Variants in NAALADL2 observed in about 807,000 individuals in gnomAD.
NAALADL2 encodes inactive N-acetylated-alpha-linked acidic dipeptidase-like protein 2.
Under a neutral mutation model 87.2 loss-of-function variants are expected in NAALADL2, and 76 were observed. That is an observed-to-expected ratio of 0.87 (90% CI 0.72 to 1.05). NAALADL2 has a LOEUF of 1.05. NAALADL2 is among the 50% of genes least tolerant of loss of function. The probability of loss-of-function intolerance (pLI) is 0.00; values close to 1 mark genes in which losing one functional copy is unlikely to be tolerated. For synonymous variants in NAALADL2, 354 were observed against 331.0 expected, an observed-to-expected ratio of 1.07 and a Z score of -0.75; for missense variants, 1,089 against 945.8, an observed-to-expected ratio of 1.15 and a Z score of -1.99.
At chr3:175,669,479 A>G (rs1405139589) in intron 11 of NAALADL2, among the ~76,000 whole-genome samples, 1 of 152,096 alleles carries the variant, frequency 6.6e-6, no homozygotes, top group African/African-American at 2.4e-5. Context: ...TTTGTTTTCA[A>G]ATTGTTAATC....
intron 11 of NAALADL2, among the ~76,000 whole-genome samples, chr3:175,662,230 G>T (rs1161545649): frequency 3.3e-5 from 5 of 151,614 alleles, no homozygotes; most frequent in Admixed American, 3.3e-4. Flanking sequence ...TTTATTCCTA[G>T]ATTTATTTTA....
At chr3:174,892,106 C>T (rs544573059) in intron 1 of NAALADL2, among the ~76,000 whole-genome samples, 1 of 152,086 alleles carries the variant, frequency 6.6e-6, no homozygotes, top group African/African-American at 2.4e-5. Flanking sequence ...AGAACAGCTA[C>T]AAATAATATG....
At chr3:175,568,071 T>G (rs1172129129) in intron 9 of NAALADL2, among the ~76,000 whole-genome samples, 1 of 152,036 alleles carries the variant, frequency 6.6e-6, no homozygotes, top group Non-Finnish European at 1.5e-5. Context: ...CTTACCCAAT[T>G]TAATCTTTAA....
chr3:174,645,248 T>A (rs1477042881), intron 2 of NAALADL2, among the ~76,000 whole-genome samples: 1 of 152,202 alleles, frequency 6.6e-6, no homozygotes, highest in Non-Finnish European at 1.5e-5. Context: ...CTCAGTCTCT[T>A]GGTGTCTTGT....
At chr3:175,122,172 T>C (rs1726256667) in intron 2 of NAALADL2, among the ~76,000 whole-genome samples, 1 of 151,818 alleles carries the variant, frequency 6.6e-6, no homozygotes, top group African/African-American at 2.4e-5. Flanking sequence ...CCTATGCTGA[T>C]ATAAACTTTT....
intron 2 of NAALADL2, among the ~76,000 whole-genome samples, chr3:174,687,625 G>A (rs530688583): frequency 1.6e-4 from 25 of 152,192 alleles, no homozygotes; most frequent in African/African-American, 6.0e-4. Flanking sequence ...AAATAATTAG[G>A]AAGTGATGGG....
chr3:174,723,327 C>G (rs16863651), intron 2 of NAALADL2, among the ~76,000 whole-genome samples: 13,420 of 152,176 alleles, frequency 0.088, 743 homozygotes, highest in East Asian at 0.28. Context: ...TTTCATGAGA[C>G]TATGTTGATA....
chr3:174,610,566 T>C (rs928447307), intron 2 of NAALADL2, among the ~76,000 whole-genome samples: 1 of 151,922 alleles, frequency 6.6e-6, no homozygotes, highest in African/African-American at 2.4e-5. Context: ...CGTGAAAAAA[T>C]GCTCACCATC....
intron 1 of NAALADL2, among the ~76,000 whole-genome samples, chr3:175,050,795 G>A (rs1755282868): frequency 6.6e-6 from 1 of 152,266 alleles, no homozygotes; most frequent in East Asian, 1.9e-4. Context: ...ACATCTAATT[G>A]AGAGTGTTAT....
intron 2 of NAALADL2, among the ~76,000 whole-genome samples, chr3:174,706,996 A>G (rs572362678): frequency 9.1e-4 from 138 of 152,328 alleles, no homozygotes; most frequent in Non-Finnish European, 1.7e-3. Context: ...ATATGAACAG[A>G]CACTTCTCAA....
chr3:174,594,199 A>G (rs970787118), intron 2 of NAALADL2, among the ~76,000 whole-genome samples: 1 of 152,170 alleles, frequency 6.6e-6, no homozygotes, highest in Non-Finnish European at 1.5e-5. Context: ...CTTTGGCATA[A>G]TAATATGCCA....
chr3:175,113,111 G>A lies in NAALADL2; in HGVS notation c.545+15820G>A, dbSNP rs1395859415. On this transcript the variant is annotated intron_variant, in intron 2 of 13. Coordinates refer to ENST00000454872, the MANE Select transcript of NAALADL2 (RefSeq NM_207015.3). ...TGGAAAGTTTTGGAGAAAAGGTGATGGTTAGAATTTGGTTCTGAATACCAT... is the reference window on the plus strand; with the variant it reads ...TGGAAAGTTTTGGAGAAAAGGTGATAGTTAGAATTTGGTTCTGAATACCAT... Among the ~76,000 whole-genome samples, 2 of 151,712 alleles carry A rather than the reference G, an allele frequency of 1.3e-5. 1 individual carries two copies. Among genetic ancestry groups the A allele is most frequent in the South Asian group, 4.2e-4 (2 of 4,812 alleles).
intron 3 of NAALADL2, among the ~76,000 whole-genome samples, chr3:174,793,141 CAA>C (rs916245728): frequency 6.6e-6 from 1 of 152,030 alleles, no homozygotes; most frequent in Non-Finnish European, 1.5e-5. Flanking sequence ...TTTAAAGAAA[CAA>C]TATTTCAACT....
intron 9 of NAALADL2, among the ~76,000 whole-genome samples, chr3:175,550,768 A>T (rs1714203511): frequency 6.6e-6 from 1 of 152,140 alleles, no homozygotes; most frequent in South Asian, 2.1e-4. Flanking sequence ...CTGGAGGGGG[A>T]ACTTCCAATA....
intron 4 of NAALADL2, among the ~76,000 whole-genome samples, chr3:175,293,247 G>C (rs945068047): frequency 6.6e-6 from 1 of 152,024 alleles, no homozygotes; most frequent in Non-Finnish European, 1.5e-5. Context: ...GATAGACATG[G>C]AGTTAAACTC....
chr3:175,283,154 T>C (rs1754528229), intron 4 of NAALADL2, among the ~76,000 whole-genome samples: 1 of 152,086 alleles, frequency 6.6e-6, no homozygotes, highest in Admixed American at 6.6e-5. Flanking sequence ...TATTCAGATA[T>C]ACTCAATATC....
chr3:174,650,417 T>C (rs991544213), intron 2 of NAALADL2, among the ~76,000 whole-genome samples: 1 of 152,130 alleles, frequency 6.6e-6, no homozygotes, highest in African/African-American at 2.4e-5. Flanking sequence ...ACTAGTATGT[T>C]AAGATGTTAT....
chr3:174,651,091 T>C (rs945913128), intron 2 of NAALADL2, among the ~76,000 whole-genome samples: 1 of 152,194 alleles, frequency 6.6e-6, no homozygotes, highest in Non-Finnish European at 1.5e-5. Context: ...TATTTTTATT[T>C]TTAGCTTTCC....
chr3:175,303,137 G>A (rs539690906), intron 4 of NAALADL2, among the ~76,000 whole-genome samples: 9 of 151,996 alleles, frequency 5.9e-5, no homozygotes, highest in Non-Finnish European at 7.4e-5. Flanking sequence ...GAAAACAGAC[G>A]TAGTTTTGTT....
Sources: gnomAD v4.1 joint callset for allele counts (sites outside exome capture counted in the v4.1 genomes callset) on GRCh38, gnomAD v4.1.1 for gene constraint, MANE v1.5 for transcripts, NCBI Gene and HGNC (gene_info 2026-07-23, HGNC 2026-07-21) for gene names.